The following SLC25A26 variants were observed in gnomAD, a reference collection of about 807,000 sequenced individuals.
The protein encoded by SLC25A26 is solute carrier family 25 member 26, also known as mitochondrial S-adenosylmethionine carrier protein.
In SLC25A26, 36 loss-of-function variants were observed where a neutral mutation model predicts 37.8. The ratio of observed to expected loss-of-function variants is 0.95; its 90% CI spans 0.73 to 1.26. The LOEUF (loss-of-function observed/expected upper bound fraction) is 1.26, where lower values mean the gene tolerates loss of function less well. Ranked by LOEUF, SLC25A26 falls within the 50% of genes most tolerant of loss-of-function variation. The pLI is 0.00. For synonymous variants in SLC25A26, 129 were observed against 122.5 expected, an observed-to-expected ratio of 1.05 and a Z score of -0.35; for missense variants, 390 against 331.1, an observed-to-expected ratio of 1.18 and a Z score of -1.38.
At chr3:66,243,375 A>G (rs2072677403) in intron 3 of SLC25A26, 63 bp downstream of exon 3, 4 of 761,062 alleles carry the variant, frequency 5.3e-6, no homozygotes, top group Non-Finnish European at 8.8e-6. Context: ...TATTTTCAGT[A>G]CATATTTATT....
chr3:66,175,132 TATATATATACACACAC>T (rs374871768), intron 1 of SLC25A26, among the ~76,000 whole-genome samples: 20,744 of 123,212 alleles, frequency 0.17, 1,822 homozygotes, highest in African/African-American at 0.27. Context: ...TATATATATA[TATATATATACACACAC>T]ACACACACAC....
intron 1 of SLC25A26, among the ~76,000 whole-genome samples, chr3:66,234,029 A>G (rs1034646411): frequency 6.6e-6 from 1 of 152,226 alleles, no homozygotes; most frequent in Non-Finnish European, 1.5e-5. Context: ...CATTTTCGCC[A>G]GGGTTCTATT....
intron 5 of SLC25A26, among the ~76,000 whole-genome samples, chr3:66,318,887 C>T (rs568965762): frequency 1.1e-4 from 16 of 152,146 alleles, no homozygotes; most frequent in African/African-American, 3.1e-4. Flanking sequence ...TGGACTCAAG[C>T]GATCCTCCAA....
intron 7 of SLC25A26, among the ~76,000 whole-genome samples, chr3:66,365,723 A>G (rs1038438803): frequency 6.6e-6 from 1 of 152,200 alleles, no homozygotes; most frequent in Non-Finnish European, 1.5e-5. Context: ...GGCCTGACAC[A>G]ATCTCTATTA....
chr3:66,204,677 G>A (rs1470756653), intron 1 of SLC25A26, among the ~76,000 whole-genome samples: 1 of 152,128 alleles, frequency 6.6e-6, no homozygotes, highest in Non-Finnish European at 1.5e-5. Flanking sequence ...ACATGTATAA[G>A]TTCGGCAAAG....
At chr3:66,372,097 A>C (rs1025894429) in intron 9 of SLC25A26, among the ~76,000 whole-genome samples, 6 of 152,240 alleles carry the variant, frequency 3.9e-5, no homozygotes, top group East Asian at 1.9e-4. Flanking sequence ...TGTCTCAAAA[A>C]AACAACAACA....
intron 5 of SLC25A26, among the ~76,000 whole-genome samples, chr3:66,298,402 C>G (rs1413070058): frequency 6.6e-6 from 1 of 152,120 alleles, no homozygotes; most frequent in Non-Finnish European, 1.5e-5. Context: ...ATCTGTGTCA[C>G]TTTCAGCATA....
intron 1 of SLC25A26, among the ~76,000 whole-genome samples, chr3:66,163,238 A>G (rs928687321): frequency 5.9e-5 from 9 of 152,234 alleles, no homozygotes; most frequent in East Asian, 1.9e-4. Context: ...ACCACGTTCC[A>G]TATGCCACAA....
chr3:66,315,674 T>C (rs1050961802), intron 5 of SLC25A26, among the ~76,000 whole-genome samples: 2 of 152,168 alleles, frequency 1.3e-5, no homozygotes, highest in African/African-American at 4.8e-5. Flanking sequence ...ATATCTTTGT[T>C]AATTTTCTGT....
intron 3 of SLC25A26, among the ~76,000 whole-genome samples, chr3:66,253,772 G>A (rs181716157): frequency 3.8e-4 from 58 of 152,286 alleles, no homozygotes; most frequent in Non-Finnish European, 7.6e-4. Flanking sequence ...AGTCACCATT[G>A]CCACCTCCTC....
At chr3:66,263,239 C>T in intron 4 of SLC25A26, 93 bp from the exon 5 acceptor site, 1 of 867,344 alleles carries the variant, frequency 1.2e-6, no homozygotes, top group Non-Finnish European at 1.9e-6. Context: ...TGTTCTAGAA[C>T]TCAAACAAGA....
chr3:66,297,383 C>T (rs1031473803), intron 5 of SLC25A26, among the ~76,000 whole-genome samples: 1 of 149,836 alleles, frequency 6.7e-6, no homozygotes, highest in Non-Finnish European at 1.5e-5. Flanking sequence ...CTGAGATGCT[C>T]TTTTGCTTAG....
At chr3:66,300,441 A>G (rs34344660) in intron 5 of SLC25A26, among the ~76,000 whole-genome samples, 26,431 of 151,952 alleles carry the variant, frequency 0.17, 2,804 homozygotes, top group Non-Finnish European at 0.25. Flanking sequence ...AGCCACAAGT[A>G]AAATTTCTTG....
chr3:66,323,083 C>A (rs1430500263), intron 5 of SLC25A26, among the ~76,000 whole-genome samples: 1 of 150,490 alleles, frequency 6.6e-6, no homozygotes, highest in Admixed American at 6.6e-5. Context: ...CTGCTCTGAG[C>A]ATTAGAAATA....
chr3:66,370,081 A>G (rs1575620195), intron 8 of SLC25A26, among the ~76,000 whole-genome samples: 1 of 152,372 alleles, frequency 6.6e-6, no homozygotes, highest in African/African-American at 2.4e-5. Flanking sequence ...TAATGGGCCA[A>G]ATTTTAGTAT....
chr3:66,231,245 A>G (rs145354348), intron 1 of SLC25A26, among the ~76,000 whole-genome samples: 4 of 152,258 alleles, frequency 2.6e-5, no homozygotes, highest in African/African-American at 7.2e-5. Flanking sequence ...TCCAAGGTCT[A>G]TAGAGGGTGA....
intron 6 of SLC25A26, among the ~76,000 whole-genome samples, chr3:66,354,250 G>C (rs1239724569): frequency 2.6e-5 from 4 of 151,436 alleles, no homozygotes; most frequent in Non-Finnish European, 5.9e-5. Context: ...GAGTGGTTTT[G>C]CTTACAGCTA....
intron 1 of SLC25A26, among the ~76,000 whole-genome samples, chr3:66,167,956 C>A (rs1328563325): frequency 6.6e-6 from 1 of 151,660 alleles, no homozygotes; most frequent in Non-Finnish European, 1.5e-5. Flanking sequence ...GAGTTCGAGG[C>A]CAGCCTGACC....
intron 5 of SLC25A26, among the ~76,000 whole-genome samples, chr3:66,274,945 T>C (rs2107387954): frequency 6.6e-6 from 1 of 152,178 alleles, no homozygotes; most frequent in Admixed American, 6.5e-5. Flanking sequence ...TAAAGACACA[T>C]GCAAACGTAT....
Sources: allele counts gnomAD v4.1 joint callset (sites outside exome capture counted in the v4.1 genomes callset), GRCh38; gene constraint gnomAD v4.1.1; transcripts MANE v1.5; gene names NCBI Gene and HGNC (gene_info 2026-07-23, HGNC 2026-07-21).